Variants in MMP26 observed in about 807,000 individuals in gnomAD.
The protein encoded by MMP26 is matrix metallopeptidase 26.
MMP26 carries 33 observed loss-of-function variants against 31.0 expected under a neutral mutation model. That is an observed-to-expected ratio of 1.06 (90% CI 0.81 to 1.42). MMP26 has a LOEUF of 1.42. MMP26 is among the 40% of genes most tolerant of loss of function. The pLI is 0.00. For missense variants in MMP26, 347 were observed against 316.1 expected, an observed-to-expected ratio of 1.10 and a Z score of -0.74; for synonymous variants, 122 against 114.9, an observed-to-expected ratio of 1.06 and a Z score of -0.40.
chr11:4,876,496 T>C (rs1174160781), intron 2 of MMP26: 3 of 152,174 alleles, frequency 2.0e-5, no homozygotes, highest in Non-Finnish European at 4.4e-5. Flanking sequence ...CTGATTCCAG[T>C]TGAAGTCAGT....
At chr11:4,887,333 A>G (rs1009582049) in intron 2 of MMP26, among the ~76,000 whole-genome samples, 2 of 152,106 alleles carry the variant, frequency 1.3e-5, no homozygotes, top group South Asian at 2.1e-4. Flanking sequence ...GTTTAATTAC[A>G]AATACATTAA....
intron 2 of MMP26, chr11:4,804,605 T>C: frequency 1.4e-6 from 1 of 730,168 alleles, no homozygotes; most frequent in Non-Finnish European, 2.6e-6. Flanking sequence ...TCATTCAAAA[T>C]GGGGTAGAAC....
chr11:4,810,910 G>C (rs370109459), intron 2 of MMP26, among the ~76,000 whole-genome samples: 2 of 152,304 alleles, frequency 1.3e-5, no homozygotes, highest in African/African-American at 4.8e-5. Flanking sequence ...ATTTGTTTGC[G>C]AGGAGTGCAA....
At chr11:4,761,590 A>G (rs1296871264) in intron 1 of MMP26, among the ~76,000 whole-genome samples, 9 of 152,226 alleles carry the variant, frequency 5.9e-5, no homozygotes, top group Non-Finnish European at 1.2e-4. Flanking sequence ...ATCAGGGAAA[A>G]TAAACGTATT....
At chr11:4,921,423 A>C (rs1276860315) in intron 2 of MMP26, among the ~76,000 whole-genome samples, 2 of 152,248 alleles carry the variant, frequency 1.3e-5, no homozygotes, top group Non-Finnish European at 1.5e-5. Flanking sequence ...AATAAATGAC[A>C]GTGGCAGATC....
intron 2 of MMP26, among the ~76,000 whole-genome samples, chr11:4,905,219 A>G (rs1311456879): frequency 6.6e-6 from 1 of 152,122 alleles, no homozygotes; most frequent in Non-Finnish European, 1.5e-5. Flanking sequence ...ACAATCTGCT[A>G]CCGTCTCCAC....
intron 2 of MMP26, among the ~76,000 whole-genome samples, chr11:4,809,362 G>T (rs1424515775): frequency 2.0e-5 from 3 of 152,108 alleles, no homozygotes; most frequent in African/African-American, 7.2e-5. Context: ...TATAAATGTG[G>T]TTACAAGAAC....
chr11:4,969,075 A>G (rs1436772041), intron 2 of MMP26, among the ~76,000 whole-genome samples: 2 of 152,002 alleles, frequency 1.3e-5, no homozygotes, highest in Non-Finnish European at 2.9e-5. Context: ...ACTTTTAACC[A>G]TCAGTTTCTT....
At chr11:4,869,949 A>C (rs2133524850) in intron 2 of MMP26, among the ~76,000 whole-genome samples, 1 of 152,300 alleles carries the variant, frequency 6.6e-6, no homozygotes, top group African/African-American at 2.4e-5. Context: ...GGAAACCATC[A>C]TTGTGAGAAA....
At chr11:4,757,426 A>G (rs1564902418) in intron 1 of MMP26, among the ~76,000 whole-genome samples, 1 of 152,144 alleles carries the variant, frequency 6.6e-6, no homozygotes, top group African/African-American at 2.4e-5. Flanking sequence ...TAGGCAAAAC[A>G]TTATTAGATA....
At chr11:4,856,296 G>C (rs1410658927) in intron 2 of MMP26, among the ~76,000 whole-genome samples, 5 of 152,130 alleles carry the variant, frequency 3.3e-5, no homozygotes, top group Non-Finnish European at 7.3e-5. Context: ...AAACAGTCAA[G>C]ACCCATCAGT....
chr11:4,966,473 G>T (rs998861904), intron 2 of MMP26, among the ~76,000 whole-genome samples: 1 of 152,098 alleles, frequency 6.6e-6, no homozygotes, highest in African/African-American at 2.4e-5. Flanking sequence ...GAGGGTGAAT[G>T]GCTCTGGTTA....
intron 2 of MMP26, chr11:4,882,646 A>C (rs1442921225): frequency 6.2e-7 from 1 of 1,613,938 alleles, no homozygotes; most frequent in Non-Finnish European, 8.5e-7. Context: ...ACATCTGTGC[A>C]GTCACTATTT....
chr11:4,922,636 A>C (rs1268399461), intron 2 of MMP26, among the ~76,000 whole-genome samples: 1 of 152,206 alleles, frequency 6.6e-6, no homozygotes. Flanking sequence ...ACAAATAAGC[A>C]CAAAATAACA....
intron 2 of MMP26, among the ~76,000 whole-genome samples, chr11:4,783,978 T>C (rs763863287): frequency 7.9e-5 from 12 of 152,242 alleles, no homozygotes; most frequent in Non-Finnish European, 1.6e-4. Flanking sequence ...GGTATGTCTT[T>C]ATCAGAAATG....
chr11:4,722,470 CTTTTTTTT>C lies in MMP26; in HGVS notation c.-217+17440_-217+17447del, dbSNP rs60627073. ...CACCACCTAAGGCGTGAAGTAATTACTTTTTTTTTTTTTTTTTTTTTTGGCAGGGTTAG... is the reference window on the plus strand; with the variant it reads ...CACCACCTAAGGCGTGAAGTAATTACTTTTTTTTTTTTTTGGCAGGGTTAG... On this transcript the variant is annotated intron_variant, in intron 1 of 7. Transcript: ENST00000380390. Among the ~76,000 whole-genome samples, 83 of 64,000 alleles carry C rather than the reference CTTTTTTTT, an allele frequency of 1.3e-3. 2 individuals carry two copies. Among genetic ancestry groups the C allele is most frequent in the Admixed American group, 4.1e-3 (18 of 4,404 alleles). The allele number at this position is 64,000 out of a possible 152,430, so 42.0% of individuals were successfully genotyped here.
At chr11:4,856,916 A>C (rs1406019874) in intron 2 of MMP26, among the ~76,000 whole-genome samples, 1 of 152,104 alleles carries the variant, frequency 6.6e-6, no homozygotes, top group Non-Finnish European at 1.5e-5. Flanking sequence ...GGATTAAGAA[A>C]CTCACTCAAA....
chr11:4,736,430 C>G (rs1223092185), intron 1 of MMP26: 1 of 152,094 alleles, frequency 6.6e-6, no homozygotes, highest in Non-Finnish European at 1.5e-5. Context: ...TTAGGACGGT[C>G]TTAATAATCA....
chr11:4,923,965 G>C, intron 2 of MMP26: 2 of 1,614,092 alleles, frequency 1.2e-6, no homozygotes, highest in Non-Finnish European at 1.7e-6. Context: ...AGACGGCCAC[G>C]TAGCGGTCAA....
Sources: gnomAD v4.1 joint callset for allele counts (sites outside exome capture counted in the v4.1 genomes callset) on GRCh38, gnomAD v4.1.1 for gene constraint, MANE v1.5 for transcripts, NCBI Gene and HGNC (gene_info 2026-07-23, HGNC 2026-07-21) for gene names.